The following NSUN2 variants were observed in gnomAD, a reference collection of about 807,000 sequenced individuals.
NSUN2 encodes NOP2/Sun RNA methyltransferase 2.
A neutral mutation model predicts 92.7 loss-of-function variants in NSUN2; 63 were observed. That is an observed-to-expected ratio of 0.68 (90% CI 0.56 to 0.84). The LOEUF is 0.84. Among genes scored for constraint, NSUN2 ranks in the 40% least tolerant of loss-of-function variants. NSUN2 has a pLI of 0.00. For synonymous variants in NSUN2, 356 were observed against 348.3 expected (o/e 1.02, Z -0.25); for missense variants, 989 against 964.9 (o/e 1.02, Z -0.33).
At chr5:6,623,368 G>C in intron 4 of NSUN2, 83 bp from the exon 5 acceptor site, 1 of 1,237,298 alleles carries the variant, frequency 8.1e-7, no homozygotes, top group East Asian at 2.4e-5. Flanking sequence ...TTGTTTCAAA[G>C]GCAACAGGAA....
intron 12 of NSUN2, among the ~76,000 whole-genome samples, chr5:6,607,676 A>G (rs1277429196): frequency 6.6e-6 from 1 of 152,236 alleles, no homozygotes; most frequent in Non-Finnish European, 1.5e-5. Context: ...GTTCTCGTGT[A>G]AAAATGCTTA....
chr5:6,629,407 C>A (rs951718758), intron 3 of NSUN2, among the ~76,000 whole-genome samples: 1 of 152,178 alleles, frequency 6.6e-6, no homozygotes, highest in Non-Finnish European at 1.5e-5. Context: ...TTTGTTGGAG[C>A]CTGCAGAAGA....
intron 12 of NSUN2, among the ~76,000 whole-genome samples, chr5:6,609,257 C>T (rs2126479229): frequency 6.6e-6 from 1 of 152,280 alleles, no homozygotes; most frequent in Non-Finnish European, 1.5e-5. Context: ...AGACAGCACG[C>T]ATTACAAAGG....
At position 6,612,921 on chromosome 5, in the gene NSUN2, G is replaced by A. The variant is rs186881501; in HGVS notation, c.1022-1123C>T. Among the ~76,000 whole-genome samples, 47 of 152,290 alleles carry A rather than the reference G, an allele frequency of 3.1e-4. No individual in the cohort carries two copies. In the East Asian group the frequency reaches 8.9e-3, roughly 29 times the overall value. ...AAGTTGTTGAGCACTTTCAGGTGGG[G>A]AACGCACACCCCCTCCAGTCAAAAT... On this transcript the variant is annotated intron_variant, in intron 9 of 18. Coordinates refer to ENST00000264670, the MANE Select transcript of NSUN2 (RefSeq NM_017755.6).
chr5:6,600,514 T>G (rs748483908), intron 18 of NSUN2, among the ~76,000 whole-genome samples: 7 of 152,162 alleles, frequency 4.6e-5, no homozygotes, highest in Non-Finnish European at 5.9e-5. Flanking sequence ...ACATACACTT[T>G]CTACATACTT....
Position 6,599,731 on chromosome 5 carries a change from G to T in NSUN2, c.*195C>A. The stretch of plus-strand genomic sequence containing the variant: ...ACAAGTGATTTCTAACACGCTAAAA[G>T]AGTACATTTTCATCAGCTCCAAAGA... On this transcript the variant is annotated 3_prime_UTR_variant, in exon 19 of 19. Transcript: ENST00000264670. 1.7e-6 allele frequency: 1 copy of T among 591,768 alleles called. No homozygotes were observed. The highest frequency in any genetic ancestry group is 2.7e-5 in the East Asian group (1 of 37,362). The allele number at this position is 591,768 out of a possible 1,614,324, so 36.7% of individuals were successfully genotyped here.
At chr5:6,629,354 A>G (rs1019534173) in intron 3 of NSUN2, among the ~76,000 whole-genome samples, 3 of 152,252 alleles carry the variant, frequency 2.0e-5, no homozygotes, top group African/African-American at 4.8e-5. Flanking sequence ...AGAGAATAAT[A>G]AAAAACTAGC....
intron 17 of NSUN2, among the ~76,000 whole-genome samples, chr5:6,603,038 C>G (rs911791186): frequency 6.6e-6 from 1 of 152,142 alleles, no homozygotes; most frequent in African/African-American, 2.4e-5. Context: ...CCAAAGGAAC[C>G]ACACGAGTAA....
At chr5:6,622,422 G>A (rs1461134393) in intron 5 of NSUN2, among the ~76,000 whole-genome samples, 1 of 152,188 alleles carries the variant, frequency 6.6e-6, no homozygotes, top group Non-Finnish European at 1.5e-5. Context: ...AGCTCAGCCA[G>A]TTAACAGCTC....
Position 6,599,801 on chromosome 5 carries a change from T to G in NSUN2, c.*125A>C. 1 of 791,842 alleles carries G rather than the reference T, an allele frequency of 1.3e-6. No homozygotes were observed. The highest frequency in any genetic ancestry group is 2.1e-6 in the Non-Finnish European group (1 of 483,020). The allele number at this position is 791,842 out of a possible 1,614,324, so 49.1% of individuals were successfully genotyped here. ...GAAGGCTCCTATGATCCCACCAGTC[T>G]GCAGTCATTAGAAATATATGCTTTA... On this transcript the variant is annotated 3_prime_UTR_variant, in exon 19 of 19. Coordinates refer to ENST00000264670, the MANE Select transcript of NSUN2 (RefSeq NM_017755.6).
In NSUN2 at chr5:6,599,937, G is replaced by A; in HGVS notation, c.2293C>T (p.Pro765Ser). 1.2e-6 allele frequency: 2 copies of A among 1,612,824 alleles called. No homozygotes were observed. The highest frequency in any genetic ancestry group is 3.3e-5 in the Admixed American group (2 of 60,030). Reference protein sequence around the residue: ...TAGCDPAGVHPPR With the variant: ...TAGCDPAGVHSPR ...TGCCTTGGGCCTGCTCACCGGGGTG[G>A]ATGGACCCCCGCCGGGTCACAGCCT... Residue 765 changes from proline to serine, a missense_variant, in exon 19 of 19, where the codon CCA becomes TCA. By Grantham distance (74) the Pro-to-Ser change is moderately conservative (BLOSUM62 -1). This residue lies in a region of NSUN2 where 626 missense variants were observed against 602.3 expected (regional missense o/e 1.04). Transcript: ENST00000264670.
At chr5:6,621,450 A>G (rs1737434551) in intron 6 of NSUN2, 1 of 152,198 alleles carries the variant, frequency 6.6e-6, no homozygotes, top group Non-Finnish European at 1.5e-5. Flanking sequence ...TAGGCTTGAT[A>G]AAGAAACACC....
At chr5:6,616,703 A>G (rs1304046549) in intron 9 of NSUN2, 24 bp downstream of exon 9, 1 of 1,319,622 alleles carries the variant, frequency 7.6e-7, no homozygotes, top group Non-Finnish European at 9.8e-7. Context: ...TGCTGTTAAT[A>G]AAAGATCCAT....
At chr5:6,616,348 A>T (rs1303219382) in intron 9 of NSUN2, among the ~76,000 whole-genome samples, 9 of 152,254 alleles carry the variant, frequency 5.9e-5, no homozygotes, top group Admixed American at 5.9e-4. Flanking sequence ...TTTGACACAG[A>T]CAACAACACA....
chr5:6,624,973 C>T (rs1194915766), intron 4 of NSUN2, among the ~76,000 whole-genome samples: 1 of 152,124 alleles, frequency 6.6e-6, no homozygotes, highest in African/African-American at 2.4e-5. Flanking sequence ...AGCACCTTAA[C>T]TGCACTCAAG....
At chr5:6,604,862 T>C (rs969030565) in intron 15 of NSUN2, 177 bp from the exon 16 acceptor site, 45 of 622,442 alleles carry the variant, frequency 7.2e-5, no homozygotes, top group Non-Finnish European at 1.2e-4. Flanking sequence ...ATTACGTCGT[T>C]TGGAGGACAG....
chr5:6,632,004 C>T (rs370635515), intron 2 of NSUN2, 27 bp from the exon 3 acceptor site: 3 of 1,550,798 alleles, frequency 1.9e-6, no homozygotes, highest in African/African-American at 2.7e-5. Flanking sequence ...AAGTTTCAAA[C>T]TGATCTAAAA....
chr5:6,611,703 A>C, intron 10 of NSUN2, 22 bp downstream of exon 10: 2 of 1,610,976 alleles, frequency 1.2e-6, no homozygotes, highest in Non-Finnish European at 1.7e-6. Flanking sequence ...CTTTAGAATG[A>C]AAGTTCTCGA....
intron 10 of NSUN2, 60 bp downstream of exon 10, chr5:6,611,665 A>G: frequency 7.2e-7 from 1 of 1,391,302 alleles, no homozygotes; most frequent in Non-Finnish European, 1.0e-6. Context: ...TTGAAACTTG[A>G]CTCTACTTCA....
Sources: allele counts gnomAD v4.1 joint callset (sites outside exome capture counted in the v4.1 genomes callset), GRCh38; gene constraint gnomAD v4.1.1; regional missense constraint gnomAD v4.1.1; transcripts MANE v1.5; gene names NCBI Gene and HGNC (gene_info 2026-07-23, HGNC 2026-07-21).